Variants in HSPG2 observed in about 807,000 individuals in gnomAD.
The protein encoded by HSPG2 is heparan sulfate proteoglycan 2, also known as basement membrane-specific heparan sulfate proteoglycan core protein.
A neutral mutation model predicts 526.6 loss-of-function variants in HSPG2; 278 were observed. The observed-to-expected ratio is 0.53, with a 90% CI of 0.48 to 0.58. HSPG2 has a LOEUF of 0.58. HSPG2 is among the 20% of genes least tolerant of loss of function. The probability of loss-of-function intolerance (pLI) is 0.00; values close to 1 mark genes in which losing one functional copy is unlikely to be tolerated. For missense variants in HSPG2, 5,354 were observed against 6,099.5 expected (o/e 0.88, Z 4.07); for synonymous variants, 2,465 against 2,555.4 (o/e 0.96, Z 1.07).
At position 21,862,165 on chromosome 1, in the gene HSPG2, G is replaced by A. The variant is rs764447944; in HGVS notation, c.4741-50C>T. Reference sequence around the variant, plus strand: ...ACCAGCCATTAGGCCAAATTTACCAGAAGCCTTTCAGGGTTGCAATCCCTT... The same window carrying A: ...ACCAGCCATTAGGCCAAATTTACCAAAAGCCTTTCAGGGTTGCAATCCCTT... On this transcript the variant is annotated intron_variant, in intron 37 of 96. Coordinates refer to ENST00000374695, the MANE Select transcript of HSPG2 (RefSeq NM_005529.7). 10 of 1,603,612 alleles carry A rather than the reference G, an allele frequency of 6.2e-6. No individual in the cohort carries two copies. The South Asian group carries it at 1.1e-4, about 18-fold the overall frequency.
chr1:21,893,106 G>A lies in HSPG2; in HGVS notation c.245-2412C>T. On this transcript the variant is annotated intron_variant, in intron 3 of 96. Transcript: ENST00000374695. This position sits in a 1 kb window ranked among gnomAD's most constrained non-coding sequence, Gnocchi z 4.3. The stretch of plus-strand genomic sequence containing the variant: ...CCTGACTAGCCCTGGCCCCGGAGCA[G>A]GCTACTCACCAACTCCTGATTCCCA... 6.6e-6 allele frequency among the ~76,000 whole-genome samples: 1 copy of A among 152,138 alleles called. No homozygotes were observed. The highest frequency in any genetic ancestry group is 1.9e-4 in the East Asian group (1 of 5,184).
chr1:21,854,713 C>G lies in HSPG2; in HGVS notation c.6186G>C (p.Val2062=), dbSNP rs767456292. ...PVKIESSSPS[V]TEGQTLDLNC... is the part of the protein sequence containing the mutation. ...TGAGGTCGAGTGTTTGCCCTTCTGTCACAGAAGGCGATGAGGACTCAATCT... is the reference window on the plus strand; with the variant it reads ...TGAGGTCGAGTGTTTGCCCTTCTGTGACAGAAGGCGATGAGGACTCAATCT... Residue 2062 remains valine, a synonymous_variant, in exon 49 of 97, where the codon GTG becomes GTC. Coordinates refer to ENST00000374695, the MANE Select transcript of HSPG2 (RefSeq NM_005529.7). The G allele has an allele frequency of 6.2e-7, 1 of 1,613,208 alleles. No homozygotes were observed. The highest frequency in any genetic ancestry group is 1.1e-5 in the South Asian group (1 of 90,770).
chr1:21,885,340 C>T lies in HSPG2; in HGVS notation c.1190G>A (p.Arg397Gln), dbSNP rs558798136. The change falls in exon 10 of 97, where the codon CGG becomes CAG. Residue 397 changes from arginine to glutamine, a missense_variant. By Grantham distance (43) the Arg-to-Gln change is conservative. Coordinates refer to ENST00000374695, the MANE Select transcript of HSPG2 (RefSeq NM_005529.7). ...CTCACTGCAGCCAAACTCGTCGCTC[C>T]GGTCAGGACAGTCGCTCTCCTCGTC... ...HCDEESDCPDRSDEFGCMPPQ... is the reference protein window; with the variant it reads ...HCDEESDCPDQSDEFGCMPPQ... 61 of 1,613,966 alleles carry T rather than the reference C, an allele frequency of 3.8e-5. No individual in the cohort carries two copies. The highest frequency in any genetic ancestry group is 1.6e-4 in the Middle Eastern group (1 of 6,082).
At chr1:21,846,049 CT>C (rs1171214520) in intron 64 of HSPG2, 58 bp downstream of exon 64, 5 of 1,593,900 alleles carry the variant, frequency 3.1e-6, no homozygotes, top group East Asian at 2.2e-5. Flanking sequence ...GTTCTGCCCC[CT>C]GGTCTCTGTC....
chr1:21,846,290 G>A (rs1185809422), intron 63 of HSPG2, 35 bp from the exon 64 acceptor site: 1 of 1,612,714 alleles, frequency 6.2e-7, no homozygotes. Context: ...ACAGAGTCAG[G>A]TGCCAGTCTG....
chr1:21,850,824 A>C (rs1321050267), intron 55 of HSPG2, among the ~76,000 whole-genome samples: 2 of 152,242 alleles, frequency 1.3e-5, no homozygotes, highest in Admixed American at 1.3e-4. Context: ...CGGATCTCGC[A>C]ATCAGTGGTA....
Position 21,855,000 on chromosome 1 carries a change from G to A in HSPG2, c.5998-17C>T, listed in dbSNP as rs1034466698. 1.4e-5 allele frequency: 22 copies of A among 1,610,640 alleles called. No homozygotes were observed. Among genetic ancestry groups the A allele is most frequent in the Non-Finnish European group, 1.9e-5 (22 of 1,179,924 alleles). On this transcript the variant is annotated splice_polypyrimidine_tract_variant and intron_variant, in intron 47 of 96. Transcript: ENST00000374695. ...TGACCGGGCCTGCCGTGGGTGAGATGGGTCAGCTGCCCCAGAGGCAGCTGG... is the reference window on the plus strand; with the variant it reads ...TGACCGGGCCTGCCGTGGGTGAGATAGGTCAGCTGCCCCAGAGGCAGCTGG...
At chr1:21,926,421 A>T (rs911144563) in intron 1 of HSPG2, among the ~76,000 whole-genome samples, 6 of 152,090 alleles carry the variant, frequency 3.9e-5, no homozygotes, top group African/African-American at 1.4e-4. Flanking sequence ...TAAGGGTCAT[A>T]GCAAGGCAAA....
At position 21,836,887 on chromosome 1, in the gene HSPG2, G is replaced by C. The variant is rs1376247768; in HGVS notation, c.10270C>G (p.Pro3424Ala). 6.4e-7 allele frequency: 1 copy of C among 1,572,482 alleles called. No individual in the cohort carries two copies. Among genetic ancestry groups the C allele is most frequent in the Admixed American group, 1.8e-5 (1 of 54,158 alleles). ...CGGAGCTGGGTACCCCGGTCGCTGG[G>C]CACAGCACAGTGGAACTCAACGCTG... ...GASVEFHCAV[P>A]SDRGTQLRWF... is the part of the protein sequence containing the mutation. Residue 3424 changes from proline (P) to alanine (A), a missense_variant, in exon 75 of 97, where the codon CCC (proline) becomes GCC (alanine). By Grantham distance (27) the Pro-to-Ala change is conservative. Coordinates refer to ENST00000374695, the MANE Select transcript of HSPG2 (RefSeq NM_005529.7).
At chr1:21,854,475 G>A (rs1476316887) in intron 49 of HSPG2, 132 bp from the exon 50 acceptor site, 4 of 1,447,570 alleles carry the variant, frequency 2.8e-6, no homozygotes, top group Non-Finnish European at 3.7e-6. Context: ...AACTGGGAGG[G>A]AGGGAGATGA....
chr1:21,878,180 G>C lies in HSPG2; in HGVS notation c.2685+6C>G. 7 of 1,613,316 alleles carry C rather than the reference G, an allele frequency of 4.3e-6. No individual in the cohort carries two copies. Among genetic ancestry groups the C allele is most frequent in the Non-Finnish European group, 5.1e-6 (6 of 1,179,622 alleles). On this transcript the variant is annotated splice_donor_region_variant and intron_variant, in intron 21 of 96. Coordinates refer to ENST00000374695, the MANE Select transcript of HSPG2 (RefSeq NM_005529.7). ...CCCCTGGGTGGGTGGCAGATGGCAC[G>C]CGTACCTTACAGCGGCAGGCCTCCC...
intron 65 of HSPG2, 117 bp from the exon 66 acceptor site, chr1:21,843,555 G>T: frequency 4.5e-6 from 5 of 1,105,446 alleles, no homozygotes; most frequent in Non-Finnish European, 6.5e-6. Context: ...TCCTGTTGGA[G>T]GCGACCCCTT....
chr1:21,829,052 G>A lies in HSPG2; in HGVS notation c.12020C>T (p.Pro4007Leu), dbSNP rs550308700. 1.2e-5 allele frequency: 19 copies of A among 1,545,396 alleles called. No homozygotes were observed. Among genetic ancestry groups the A allele is most frequent in the South Asian group, 1.2e-4 (10 of 84,000 alleles). ...SGLAVLRSAE[P>L]LALGRWHRVS... Reference sequence around the variant, plus strand: ...ACGGTGCCAGCGGCCCAGGGCCAGCGGCTCGGCGCTCCGCAGAACGGCCAG... The same window carrying A: ...ACGGTGCCAGCGGCCCAGGGCCAGCAGCTCGGCGCTCCGCAGAACGGCCAG... Residue 4007 changes from proline to leucine, a missense_variant, in exon 88 of 97, where the codon CCG becomes CTG. Transcript: ENST00000374695.
Position 21,822,481 on chromosome 1 carries a change from C to A in HSPG2, c.*835G>T. 1 of 510,876 alleles carries A rather than the reference C, an allele frequency of 2.0e-6. No individual in the cohort carries two copies. Among genetic ancestry groups the A allele is most frequent in the South Asian group, 2.3e-5 (1 of 42,580 alleles). 31.6% of individuals were successfully genotyped at this position (510,876 alleles called of 1,614,324 possible). On this transcript the variant is annotated 3_prime_UTR_variant, in exon 97 of 97. Coordinates refer to ENST00000374695, the MANE Select transcript of HSPG2 (RefSeq NM_005529.7). ...TAAGGCACTAGCTCTTCCTGAGCAC[C>A]AGCGGCATCCGTCCGTCCGTTGTCT...
Position 21,824,909 on chromosome 1 carries a change from C to T in HSPG2, c.12590-130G>A, listed in dbSNP as rs1438550992. On this transcript the variant is annotated intron_variant, in intron 91 of 96. Coordinates refer to ENST00000374695, the MANE Select transcript of HSPG2 (RefSeq NM_005529.7). The surrounding 1 kb of genome is among the most constrained non-coding windows in gnomAD (Gnocchi z 5.9). Reference sequence around the variant, plus strand: ...GCTCCGAGCCTGCAGTCCCTGGGGACCCACGGGGGCTGCCAACAGAATTCA... The same window carrying T: ...GCTCCGAGCCTGCAGTCCCTGGGGATCCACGGGGGCTGCCAACAGAATTCA... 20 of 815,878 alleles carry T rather than the reference C, an allele frequency of 2.5e-5. No homozygotes were observed. In the Admixed American group the frequency reaches 3.6e-4, roughly 15 times the overall value. The allele number at this position is 815,878 out of a possible 1,614,324, so 50.5% of individuals were successfully genotyped here.
chr1:21,878,130 C>A, intron 21 of HSPG2, 56 bp downstream of exon 21: 1 of 1,506,414 alleles, frequency 6.6e-7, no homozygotes, highest in Non-Finnish European at 9.2e-7. Context: ...TCTTCCTCCT[C>A]CCAGCTGTGG....
chr1:21,851,097 C>T (rs1244313635), intron 55 of HSPG2, among the ~76,000 whole-genome samples: 4 of 151,888 alleles, frequency 2.6e-5, no homozygotes, highest in East Asian at 3.9e-4. Flanking sequence ...CTCAGCTTCC[C>T]GAGTAGCTGG....
chr1:21,834,254 C>T (rs2098017117), intron 77 of HSPG2, among the ~76,000 whole-genome samples: 1 of 152,164 alleles, frequency 6.6e-6, no homozygotes, highest in Admixed American at 6.5e-5. Context: ...AGTCACAGGG[C>T]TTGGGGTAAA....
Position 21,862,651 on chromosome 1 carries a change from G to C in HSPG2, c.4741-536C>G, listed in dbSNP as rs370456031. Among the ~76,000 whole-genome samples, 10 of 151,492 alleles carry C rather than the reference G, an allele frequency of 6.6e-5. No individual in the cohort carries two copies. In the East Asian group the frequency reaches 1.9e-3, roughly 29 times the overall value. ...CCTAAACATCCATGAATAGGGAATT[G>C]GATAAATTAAAAAGTACATCCATCC... On this transcript the variant is annotated intron_variant, in intron 37 of 96. Transcript: ENST00000374695.
Sources: gnomAD v4.1 joint callset for allele counts (sites outside exome capture counted in the v4.1 genomes callset) on GRCh38, gnomAD v4.1.1 for gene constraint, Gnocchi (gnomAD v3.1) non-coding constraint, MANE v1.5 for transcripts, NCBI Gene and HGNC (gene_info 2026-07-23, HGNC 2026-07-21) for gene names.